Variants in AP1M1 observed in about 807,000 individuals in gnomAD.
AP1M1 encodes AP-1 complex subunit mu-1.
In AP1M1, 18 loss-of-function variants were observed where a neutral mutation model predicts 57.1. That is an observed-to-expected ratio of 0.32 (90% CI 0.22 to 0.47). AP1M1 has a LOEUF of 0.47. Ranked by LOEUF, AP1M1 falls within the 20% of genes least tolerant of loss-of-function variation. The pLI is 1.00. For synonymous variants in AP1M1, 241 were observed against 237.9 expected (o/e 1.01, Z -0.12); for missense variants, 362 against 593.5 (o/e 0.61, Z 4.05).
chr19:16,230,138 T>G (rs1311673647), intron 9 of AP1M1, among the ~76,000 whole-genome samples: 2 of 152,224 alleles, frequency 1.3e-5, no homozygotes, highest in Non-Finnish European at 2.9e-5. Context: ...GGACTGTGCT[T>G]GTGTAGATTT....
Position 16,227,994 on chromosome 19 carries a change from T to A in AP1M1, c.817-143T>A. On this transcript the variant is annotated intron_variant, in intron 7 of 11. Coordinates refer to ENST00000291439, the MANE Select transcript of AP1M1 (RefSeq NM_032493.4). This position sits in a 1 kb window ranked among gnomAD's most constrained non-coding sequence, Gnocchi z 6.2. Reference sequence around the variant, plus strand: ...TCGGCCTGTCTGCCCTGGCCCTCCCTGACGCTGGCTGTACGCTCCCTGCAG... The same window carrying A: ...TCGGCCTGTCTGCCCTGGCCCTCCCAGACGCTGGCTGTACGCTCCCTGCAG... 1.1e-6 allele frequency: 1 copy of A among 911,194 alleles called. No individual in the cohort carries two copies. The highest frequency in any genetic ancestry group is 1.7e-6 in the Non-Finnish European group (1 of 590,592). 56.4% of individuals were successfully genotyped at this position (911,194 alleles called of 1,614,324 possible).
At chr19:16,204,082 G>C (rs562464925) in intron 2 of AP1M1, among the ~76,000 whole-genome samples, 8 of 152,316 alleles carry the variant, frequency 5.3e-5, no homozygotes, top group African/African-American at 1.9e-4. Flanking sequence ...GTCTCTGGAG[G>C]CTTTTAGATG....
At chr19:16,209,434 G>A (rs764452366) in intron 5 of AP1M1, among the ~76,000 whole-genome samples, 6 of 152,052 alleles carry the variant, frequency 3.9e-5, no homozygotes, top group South Asian at 4.1e-4. Context: ...AGGTTCAGGC[G>A]ATTCTCCTGC....
At position 16,206,094 on chromosome 19, in the gene AP1M1, C is replaced by T. The variant is rs1338870455; in HGVS notation, c.200-247C>T. Among the ~76,000 whole-genome samples the T allele has an allele frequency of 6.6e-6, 1 of 152,164 alleles. No homozygotes were observed. Among genetic ancestry groups the T allele is most frequent in the East Asian group, 1.9e-4 (1 of 5,186 alleles). On this transcript the variant is annotated intron_variant, in intron 2 of 11. Transcript: ENST00000291439. The surrounding 1 kb of genome is among the most constrained non-coding windows in gnomAD (Gnocchi z 4.3). ...ACAGGTGCCCTGTGCCACCTGCCATCCCTGTGATTCTCCATCTCAGTGAGT... is the reference window on the plus strand; with the variant it reads ...ACAGGTGCCCTGTGCCACCTGCCATTCCTGTGATTCTCCATCTCAGTGAGT...
At chr19:16,230,402 AC>A (rs1365167353) in intron 9 of AP1M1, among the ~76,000 whole-genome samples, 2 of 95,904 alleles carry the variant, frequency 2.1e-5, no homozygotes, top group African/African-American at 4.0e-5. Context: ...GTATACGGTA[AC>A]CTTTTTTTTT....
chr19:16,220,930 A>C (rs2091541440), intron 5 of AP1M1, among the ~76,000 whole-genome samples: 1 of 152,106 alleles, frequency 6.6e-6, no homozygotes, highest in Non-Finnish European at 1.5e-5. Flanking sequence ...ATTCCCCTAT[A>C]GGTGATGTAT....
intron 5 of AP1M1, chr19:16,210,314 T>C (rs936430737): frequency 1.4e-5 from 10 of 703,576 alleles, no homozygotes; most frequent in Non-Finnish European, 2.4e-5. Flanking sequence ...GCTAGAAACA[T>C]GTCGTGTCCA....
chr19:16,226,636 G>A, intron 6 of AP1M1, 89 bp downstream of exon 6: 1 of 1,451,844 alleles, frequency 6.9e-7, no homozygotes, highest in Non-Finnish European at 9.1e-7. Flanking sequence ...GCCAGGCGGA[G>A]GAACGAGCTG....
rs2091458165 is a variant in AP1M1 at position 16,203,634 on chromosome 19, T to G, written c.199+19T>G. 6.3e-7 allele frequency: 1 copy of G among 1,588,776 alleles called. No individual in the cohort carries two copies. Among genetic ancestry groups the G allele is most frequent in the East Asian group, 2.2e-5 (1 of 44,602 alleles). The stretch of plus-strand genomic sequence containing the variant: ...CTGTATCGTATCCCTTTGCTGGGGG[T>G]GCTCCCAGGGGACTCCTGTGTGGGT... On this transcript the variant is annotated intron_variant, in intron 2 of 11. Transcript: ENST00000291439. This position sits in a 1 kb window ranked among gnomAD's most constrained non-coding sequence, Gnocchi z 4.6.
At chr19:16,232,993 TC>T (rs1487197219) in intron 9 of AP1M1, among the ~76,000 whole-genome samples, 1 of 152,170 alleles carries the variant, frequency 6.6e-6, no homozygotes, top group Non-Finnish European at 1.5e-5. Flanking sequence ...CTTGGTTTCT[TC>T]CTTTTGTCGC....
In AP1M1 at chr19:16,201,220, TG is replaced by T. The variant is rs368835966; in HGVS notation, c.43-2237del. Among the ~76,000 whole-genome samples, 296 of 152,114 alleles carry T rather than the reference TG, an allele frequency of 1.9e-3. 1 individual carries two copies. Among genetic ancestry groups the T allele is most frequent in the African/African-American group, 6.9e-3 (287 of 41,490 alleles). ...ATGGTCCAGGCCCCTTTCTGGGTGC[TG>T]GAAAACAGCTGTGAATGAGACAGGA... On this transcript the variant is annotated intron_variant, in intron 1 of 11. Coordinates refer to ENST00000291439, the MANE Select transcript of AP1M1 (RefSeq NM_032493.4).
At chr19:16,218,555 A>C (rs1173624466) in intron 5 of AP1M1, among the ~76,000 whole-genome samples, 2 of 152,074 alleles carry the variant, frequency 1.3e-5, no homozygotes, top group Non-Finnish European at 2.9e-5. Flanking sequence ...TCCAGCCTCT[A>C]TGTCTTCCCT....
At chr19:16,220,323 C>T (rs374205873) in intron 5 of AP1M1, among the ~76,000 whole-genome samples, 6 of 152,168 alleles carry the variant, frequency 3.9e-5, no homozygotes, top group South Asian at 2.1e-4. Context: ...GTGATCATCC[C>T]GCCTCAGCCT....
At chr19:16,213,506 T>C (rs114666154) in intron 5 of AP1M1, among the ~76,000 whole-genome samples, 3,708 of 152,218 alleles carry the variant, frequency 0.024, 121 homozygotes, top group African/African-American at 0.08. Context: ...TCTTTTTTTT[T>C]TCTTTTGAGA....
chr19:16,205,819 G>C (rs1420538745), intron 2 of AP1M1, among the ~76,000 whole-genome samples: 2 of 152,202 alleles, frequency 1.3e-5, no homozygotes, highest in Non-Finnish European at 2.9e-5. Context: ...TTACACAGGA[G>C]AGAAATATCA....
intron 5 of AP1M1, among the ~76,000 whole-genome samples, chr19:16,215,189 T>TG (rs2145125144): frequency 2.7e-4 from 3 of 11,112 alleles, no homozygotes; most frequent in African/African-American, 6.9e-4. Flanking sequence ...TTTGGGAGGC[T>TG]AAGGCGGGGG....
chr19:16,213,555 C>T lies in AP1M1; in HGVS notation c.546+4378C>T, dbSNP rs900041976. Among the ~76,000 whole-genome samples, 18 of 151,884 alleles carry T rather than the reference C, an allele frequency of 1.2e-4. No individual in the cohort carries two copies. The East Asian group carries it at 1.9e-3, about 16-fold the overall frequency. ...TGTTGCCCAGGCTGGAGTGCAGTGG[C>T]GCAATCTCGGCTCACTGCAACCTCT... On this transcript the variant is annotated intron_variant, in intron 5 of 11. Transcript: ENST00000291439.
intron 5 of AP1M1, among the ~76,000 whole-genome samples, chr19:16,222,208 ATTAT>A (rs2091548339): frequency 6.0e-4 from 41 of 68,836 alleles, no homozygotes; most frequent in Admixed American, 2.0e-3. Flanking sequence ...TATTATTATT[ATTAT>A]TTTTTTTTTT....
chr19:16,231,287 CAAAAAAAAA>C (rs1231125818), intron 9 of AP1M1, among the ~76,000 whole-genome samples: 4 of 115,160 alleles, frequency 3.5e-5, no homozygotes, highest in Admixed American at 8.6e-5. Context: ...GACTCTGTCT[CAAAAAAAAA>C]AAAAAAAAAA....
Sources: allele counts gnomAD v4.1 joint callset (sites outside exome capture counted in the v4.1 genomes callset), GRCh38; gene constraint gnomAD v4.1.1; non-coding constraint Gnocchi (gnomAD v3.1); transcripts MANE v1.5; gene names NCBI Gene and HGNC (gene_info 2026-07-23, HGNC 2026-07-21).